SDK1: variants seen among roughly 807,000 people sequenced by gnomAD.
SDK1 encodes the protein sidekick cell adhesion molecule 1, also known as protein sidekick-1.
In SDK1, 157 loss-of-function variants were observed where a neutral mutation model predicts 245.5. The ratio of observed to expected loss-of-function variants is 0.64; its 90% CI spans 0.56 to 0.73. The LOEUF is 0.73. Among genes scored for constraint, SDK1 ranks in the 30% least tolerant of loss-of-function variants. SDK1 has a pLI of 0.00. For synonymous variants in SDK1, 1,647 were observed against 1,278.5 expected (o/e 1.29, Z -6.15); for missense variants, 3,583 against 3,002.3 (o/e 1.19, Z -4.52).
intron 2 of SDK1, among the ~76,000 whole-genome samples, chr7:3,627,742 A>G (rs1384168235): frequency 6.6e-6 from 1 of 152,134 alleles, no homozygotes; most frequent in South Asian, 2.1e-4. Context: ...ATTAGTTGAG[A>G]AGAAATCTAA....
chr7:3,429,513 A>G (rs1779771178), intron 1 of SDK1, among the ~76,000 whole-genome samples: 1 of 152,022 alleles, frequency 6.6e-6, no homozygotes, highest in African/African-American at 2.4e-5. Flanking sequence ...TTGATCTTGC[A>G]TGTTGTGTTG....
At chr7:3,535,548 A>G (rs1778858772) in intron 1 of SDK1, among the ~76,000 whole-genome samples, 1 of 152,082 alleles carries the variant, frequency 6.6e-6, no homozygotes. Flanking sequence ...CAGGCTTCTT[A>G]ACTTCTTTGC....
At chr7:4,146,225 CCTG>C (rs1012149017) in intron 29 of SDK1, among the ~76,000 whole-genome samples, 2 of 151,570 alleles carry the variant, frequency 1.3e-5, no homozygotes, top group Non-Finnish European at 2.9e-5. Context: ...CTGCCTCACA[CCTG>C]CTCTCTCAGA....
chr7:4,087,384 C>T (rs1781491137), intron 22 of SDK1, among the ~76,000 whole-genome samples: 1 of 152,060 alleles, frequency 6.6e-6, no homozygotes. Context: ...GCACTAATTC[C>T]ACATTGTTTA....
At chr7:4,164,627 C>T (rs1781382479) in intron 32 of SDK1, among the ~76,000 whole-genome samples, 1 of 152,244 alleles carries the variant, frequency 6.6e-6, no homozygotes, top group Non-Finnish European at 1.5e-5. Context: ...CCTAGGTAAG[C>T]TCCTTTCCTA....
chr7:3,683,806 C>G (rs1046031169), intron 4 of SDK1, among the ~76,000 whole-genome samples: 2 of 152,170 alleles, frequency 1.3e-5, no homozygotes, highest in East Asian at 1.9e-4. Context: ...GCTGTAAAAA[C>G]CTCTAATCTG....
chr7:3,592,064 G>A (rs1780892942), intron 1 of SDK1, among the ~76,000 whole-genome samples: 1 of 152,172 alleles, frequency 6.6e-6, no homozygotes, highest in Non-Finnish European at 1.5e-5. Context: ...GAAGCCCTTT[G>A]TATCACTATC....
intron 26 of SDK1, among the ~76,000 whole-genome samples, chr7:4,128,321 A>C (rs1784527931): frequency 6.6e-6 from 1 of 152,032 alleles, no homozygotes; most frequent in African/African-American, 2.4e-5. Flanking sequence ...CGGGTGTTCT[A>C]AGTGCGCCCT....
chr7:3,850,913 C>T (rs143214197), intron 5 of SDK1, among the ~76,000 whole-genome samples: 2,484 of 152,088 alleles, frequency 0.016, 77 homozygotes, highest in African/African-American at 0.058. Flanking sequence ...ATGTAAATGA[C>T]GACTTAATAG....
At chr7:3,370,532 G>A (rs1410604408) in intron 1 of SDK1, among the ~76,000 whole-genome samples, 2 of 152,210 alleles carry the variant, frequency 1.3e-5, no homozygotes, top group Non-Finnish European at 2.9e-5. Flanking sequence ...AGACTGTTAT[G>A]TTTGACATTT....
intron 1 of SDK1, among the ~76,000 whole-genome samples, chr7:3,581,553 G>A (rs1478810010): frequency 6.6e-6 from 1 of 152,152 alleles, no homozygotes; most frequent in Non-Finnish European, 1.5e-5. Flanking sequence ...TGTGGGGAGG[G>A]TAAATTAGTT....
intron 1 of SDK1, among the ~76,000 whole-genome samples, chr7:3,401,709 A>G (rs1262271096): frequency 1.3e-5 from 2 of 151,726 alleles, no homozygotes; most frequent in Non-Finnish European, 2.9e-5. Flanking sequence ...TTTATTATGG[A>G]GATAATGCTA....
intron 5 of SDK1, among the ~76,000 whole-genome samples, chr7:3,918,024 A>G (rs1779445476): frequency 6.6e-6 from 1 of 152,178 alleles, no homozygotes; most frequent in South Asian, 2.1e-4. Context: ...CCTTATGTGT[A>G]ATTCACAGTT....
At chr7:3,645,934 C>G (rs1049957130) in intron 4 of SDK1, among the ~76,000 whole-genome samples, 1 of 152,074 alleles carries the variant, frequency 6.6e-6, no homozygotes. Flanking sequence ...TCTAGGCTCA[C>G]TGCAACCTCT....
At chr7:3,557,267 G>C (rs1477972680) in intron 1 of SDK1, among the ~76,000 whole-genome samples, 1 of 152,160 alleles carries the variant, frequency 6.6e-6, no homozygotes, top group Non-Finnish European at 1.5e-5. Context: ...TGGGACAACA[G>C]TACAGATCCT....
At chr7:3,420,472 C>G (rs1331728216) in intron 1 of SDK1, among the ~76,000 whole-genome samples, 2 of 152,270 alleles carry the variant, frequency 1.3e-5, no homozygotes, top group East Asian at 1.9e-4. Context: ...TATCAGGTAT[C>G]TAGTTAGGTG....
At position 4,248,780 on chromosome 7, in the gene SDK1, C is replaced by G. The variant is rs1168013381; in HGVS notation, c.6381+2975C>G. 1.2e-4 allele frequency among the ~76,000 whole-genome samples: 18 copies of G among 152,174 alleles called. No homozygotes were observed. In the South Asian group the frequency reaches 3.3e-3, roughly 28 times the overall value. ...CATGTGCACACATACATCATATACT[C>G]ATACATATACCTACATACCTAAACA... On this transcript the variant is annotated intron_variant, in intron 44 of 44. Transcript: ENST00000404826.
At chr7:3,793,055 A>G (rs1278229584) in intron 4 of SDK1, among the ~76,000 whole-genome samples, 2 of 152,210 alleles carry the variant, frequency 1.3e-5, no homozygotes, top group Non-Finnish European at 2.9e-5. Context: ...AGGTCAAAGG[A>G]TTTTAGATCC....
intron 4 of SDK1, among the ~76,000 whole-genome samples, chr7:3,779,709 G>A (rs1780670245): frequency 6.6e-6 from 1 of 151,834 alleles, no homozygotes; most frequent in Non-Finnish European, 1.5e-5. Context: ...GAGGCGGGTG[G>A]ATCATGAGGT....
Sources: allele counts gnomAD v4.1 joint callset (sites outside exome capture counted in the v4.1 genomes callset), GRCh38; gene constraint gnomAD v4.1.1; transcripts MANE v1.5; gene names NCBI Gene and HGNC (gene_info 2026-07-23, HGNC 2026-07-21).